Variants in ACTR5 observed in about 807,000 individuals in gnomAD.
ACTR5 encodes actin-related protein 5.
ACTR5 carries 43 observed loss-of-function variants against 61.2 expected under a neutral mutation model. The observed-to-expected ratio is 0.70, with a 90% CI of 0.55 to 0.91. ACTR5 has a LOEUF of 0.91. Among genes scored for constraint, ACTR5 ranks in the 40% least tolerant of loss-of-function variants. The pLI is 0.00. For synonymous variants in ACTR5, 333 were observed against 310.5 expected (o/e 1.07, Z -0.76); for missense variants, 798 against 782.2 (o/e 1.02, Z -0.24).
At position 38,767,475 on chromosome 20, in the gene ACTR5, A is replaced by G. The variant is rs1462362378; in HGVS notation, c.1445A>G (p.Asp482Gly). The change falls in exon 8 of 9, where the codon GAC becomes GGC. Residue 482 changes from aspartate (D) to glycine (G), a missense_variant. Transcript: ENST00000243903. ...LQYILDRYPKDIQEMLVQNVF... is the reference protein window; with the variant it reads ...LQYILDRYPKGIQEMLVQNVF... The stretch of plus-strand genomic sequence containing the variant: ...TGTTTCTTTCCTAGGTACCCAAAGG[A>G]CATTCAGGAAATGCTGGTTCAGAAC... The G allele has an allele frequency of 6.2e-7, 1 of 1,613,800 alleles. No individual in the cohort carries two copies. The highest frequency in any genetic ancestry group is 2.2e-5 in the East Asian group (1 of 44,888).
rs904006141 is a variant in ACTR5 at position 38,752,175 on chromosome 20, A to G, written c.650A>G (p.Gln217Arg). ...AAGCGCATCAATCTTGGAGGAAGCC[A>G]AGCAGCTGGTTACCTCCAGCGTCTC... The part of the protein sequence containing the change: ...NCKRINLGGS[Q>R]AAGYLQRLLQ... Residue 217 changes from glutamine to arginine, a missense_variant, in exon 3 of 9, where the codon CAA (glutamine) becomes CGA (arginine). Coordinates refer to ENST00000243903, the MANE Select transcript of ACTR5 (RefSeq NM_024855.4). The G allele has an allele frequency of 1.2e-6, 2 of 1,614,016 alleles. No individual in the cohort carries two copies. Among genetic ancestry groups the G allele is most frequent in the Non-Finnish European group, 8.5e-7 (1 of 1,179,896 alleles).
rs1356460010 is a variant in ACTR5 at position 38,772,144 on chromosome 20, T to TA, written c.*329dup. 9 of 283,238 alleles carry TA rather than the reference T, an allele frequency of 3.2e-5. No individual in the cohort carries two copies. The highest frequency in any genetic ancestry group is 6.6e-6 in the Non-Finnish European group (1 of 150,464). 17.5% of individuals were successfully genotyped at this position (283,238 alleles called of 1,614,324 possible). Reference sequence around the variant, plus strand: ...TACAAAATGCACAAGACTGATTTCTTACCACATTTTAGTCTTTCTTGTTTT... The same window carrying TA: ...TACAAAATGCACAAGACTGATTTCTTAACCACATTTTAGTCTTTCTTGTTTT... On this transcript the variant is annotated 3_prime_UTR_variant, in exon 9 of 9. Coordinates refer to ENST00000243903, the MANE Select transcript of ACTR5 (RefSeq NM_024855.4).
At chr20:38,758,382 C>T (rs923283952) in intron 5 of ACTR5, among the ~76,000 whole-genome samples, 18 of 152,190 alleles carry the variant, frequency 1.2e-4, no homozygotes, top group African/African-American at 3.6e-4. Flanking sequence ...CACGGTGGCT[C>T]ACGCCTGTAA....
chr20:38,759,274 A>T (rs917565717), intron 5 of ACTR5, among the ~76,000 whole-genome samples: 19 of 152,344 alleles, frequency 1.2e-4, no homozygotes, highest in Admixed American at 5.2e-4. Context: ...CTTCTGTGGT[A>T]TGCCTTGGCA....
intron 8 of ACTR5, among the ~76,000 whole-genome samples, chr20:38,770,026 T>C (rs890399625): frequency 4.6e-5 from 7 of 152,208 alleles, no homozygotes; most frequent in Non-Finnish European, 8.8e-5. Context: ...TCTGTGAGCA[T>C]TGGTTGTGGA....
At chr20:38,770,663 A>T (rs1010187010) in intron 8 of ACTR5, among the ~76,000 whole-genome samples, 25 of 152,174 alleles carry the variant, frequency 1.6e-4, no homozygotes, top group African/African-American at 5.5e-4. Context: ...GGCAGCATCT[A>T]CCATGTGCCT....
At chr20:38,760,772 A>G (rs1601199805) in intron 5 of ACTR5, among the ~76,000 whole-genome samples, 2 of 152,196 alleles carry the variant, frequency 1.3e-5, no homozygotes, top group East Asian at 1.9e-4. Flanking sequence ...CTTAGGCTGT[A>G]TTGAAAGGCA....
At chr20:38,758,519 C>T (rs1388272459) in intron 5 of ACTR5, among the ~76,000 whole-genome samples, 2 of 151,976 alleles carry the variant, frequency 1.3e-5, no homozygotes, top group Admixed American at 6.6e-5. Flanking sequence ...TCGGGGCAGG[C>T]GCCTGTAATC....
intron 4 of ACTR5, among the ~76,000 whole-genome samples, chr20:38,755,582 T>C (rs2084415037): frequency 1.3e-5 from 2 of 151,372 alleles, no homozygotes; most frequent in Non-Finnish European, 2.9e-5. Flanking sequence ...CCCACCTTCC[T>C]TCACATCCCC....
rs140641299 is a variant in ACTR5 at position 38,758,954 on chromosome 20, A to G, written c.1176+2915A>G. On this transcript the variant is annotated intron_variant, in intron 5 of 8. Coordinates refer to ENST00000243903, the MANE Select transcript of ACTR5 (RefSeq NM_024855.4). ...TAACTAATAGAGGTCTCGAAAATCTATTTTTTCTTATAGACCAATCTATTC... is the reference window on the plus strand; with the variant it reads ...TAACTAATAGAGGTCTCGAAAATCTGTTTTTTCTTATAGACCAATCTATTC... Among the ~76,000 whole-genome samples, 6 of 152,314 alleles carry G rather than the reference A, an allele frequency of 3.9e-5. No homozygotes were observed. In the East Asian group the frequency reaches 1.2e-3, roughly 29 times the overall value.
intron 5 of ACTR5, among the ~76,000 whole-genome samples, chr20:38,759,798 C>T (rs181872558): frequency 2.4e-3 from 358 of 152,136 alleles, no homozygotes; most frequent in Non-Finnish European, 4.1e-3. Flanking sequence ...TGAAGCGTAG[C>T]AGGTATGGTG....
In ACTR5 at chr20:38,750,054, C is replaced by CTT. The variant is rs1275628579; in HGVS notation, c.420_421insTT (p.Pro141PhefsTer8). The CTT allele has an allele frequency of 6.2e-7, 1 of 1,614,198 alleles. No homozygotes were observed. The highest frequency in any genetic ancestry group is 2.2e-5 in the East Asian group (1 of 44,886). On this transcript the variant is annotated frameshift_variant, in exon 2 of 9. Coordinates refer to ENST00000243903, the MANE Select transcript of ACTR5 (RefSeq NM_024855.4). LOFTEE classifies it high-confidence loss of function. ...TAGTTTTGACAGAAGCTGTGTGCAA[C>CTT]CCACTGTATTCACGGCAAATGATGT...
Position 38,765,561 on chromosome 20 carries a change from G to T in ACTR5, c.1293+43G>T. On this transcript the variant is annotated intron_variant, in intron 6 of 8. Coordinates refer to ENST00000243903, the MANE Select transcript of ACTR5 (RefSeq NM_024855.4). ...CAGAACATGCTTATTCTTTGAAGGT[G>T]TTGACCTAAATGGCTGGGCTAGTCT... 3 of 1,525,790 alleles carry T rather than the reference G, an allele frequency of 2.0e-6. No homozygotes were observed. The East Asian group carries it at 6.8e-5, about 34-fold the overall frequency. The allele number at this position is 1,525,790 out of a possible 1,614,324, so 94.5% of individuals were successfully genotyped here.
In ACTR5 at chr20:38,755,914, A is replaced by G; in HGVS notation, c.1051A>G (p.Met351Val). ...QFHKALIELN[M>V]DSPEELQSYI... is the part of the protein sequence containing the mutation. The stretch of plus-strand genomic sequence containing the variant: ...TCACAAAGCTCTGATAGAGCTGAAT[A>G]TGGACTCCCCAGAAGAGCTGCAGTC... The change falls in exon 5 of 9, where the codon ATG becomes GTG. Residue 351 changes from methionine (M) to valine (V), a missense_variant. Met to Val is a conservative substitution (Grantham distance 21). Transcript: ENST00000243903. The G allele has an allele frequency of 1.9e-6, 3 of 1,614,174 alleles. No individual in the cohort carries two copies. The highest frequency in any genetic ancestry group is 2.5e-6 in the Non-Finnish European group (3 of 1,180,038).
intron 5 of ACTR5, among the ~76,000 whole-genome samples, chr20:38,759,651 G>A (rs1350168367): frequency 1.3e-5 from 2 of 152,096 alleles, no homozygotes; most frequent in East Asian, 1.9e-4. Flanking sequence ...ATTTGAGGGT[G>A]TATCCCAGGG....
intron 1 of ACTR5, 46 bp downstream of exon 1, chr20:38,748,899 G>T (rs949243008): frequency 1.3e-6 from 2 of 1,551,186 alleles, no homozygotes; most frequent in Non-Finnish European, 1.7e-6. Flanking sequence ...GAGGGGAGGG[G>T]TGCGGTCTCG....
intron 5 of ACTR5, among the ~76,000 whole-genome samples, chr20:38,759,348 CAT>C (rs541204058): frequency 6.6e-6 from 1 of 151,700 alleles, no homozygotes; most frequent in African/African-American, 2.4e-5. Flanking sequence ...CCACATAAGA[CAT>C]GTGGAGACCC....
Position 38,750,150 on chromosome 20 carries a change from CCA to C in ACTR5, c.519_520del (p.His173GlnfsTer2), listed in dbSNP as rs1158335120. Reference protein sequence around the residue: ...YGIDSLFSFYHNKPKNSMCSG... With the variant: ...YGIDSLFSFYXNKPKNSMCSG... ...GAATAGACAGCCTCTTCAGCTTCTA[CCA>C]CAATAAGCCAAAGAACTCGATGTGC... is the stretch of plus-strand genomic sequence containing the variant. On this transcript the variant is annotated frameshift_variant, in exon 2 of 9. Coordinates refer to ENST00000243903, the MANE Select transcript of ACTR5 (RefSeq NM_024855.4). LOFTEE classifies it high-confidence loss of function. 1 of 1,614,180 alleles carries C rather than the reference CCA, an allele frequency of 6.2e-7. No individual in the cohort carries two copies. Among genetic ancestry groups the C allele is most frequent in the South Asian group, 1.1e-5 (1 of 91,080 alleles).
chr20:38,771,014 G>C lies in ACTR5; in HGVS notation c.1567-545G>C, dbSNP rs1028615898. The stretch of plus-strand genomic sequence containing the variant: ...ATAATGATCAGATCAGCCTAGCCGA[G>C]GGCCTTCTCAGAGCTGCTGAACCCC... On this transcript the variant is annotated intron_variant, in intron 8 of 8. Transcript: ENST00000243903. 2.0e-5 allele frequency among the ~76,000 whole-genome samples: 3 copies of C among 152,208 alleles called. No individual in the cohort carries two copies. The East Asian group carries it at 5.8e-4, about 29-fold the overall frequency.
Sources: gnomAD v4.1 joint callset for allele counts (sites outside exome capture counted in the v4.1 genomes callset) on GRCh38, gnomAD v4.1.1 for gene constraint, MANE v1.5 for transcripts, NCBI Gene and HGNC (gene_info 2026-07-23, HGNC 2026-07-21) for gene names.